Variants in RNFT2 observed in about 807,000 individuals in gnomAD.
The protein encoded by RNFT2 is ring finger protein, transmembrane 2, also known as E3 ubiquitin-protein ligase RNFT2.
In RNFT2, 36 loss-of-function variants were observed where a neutral mutation model predicts 53.0. That is an observed-to-expected ratio of 0.68 (90% CI 0.52 to 0.90). The LOEUF is 0.90. Among genes scored for constraint, RNFT2 ranks in the 40% least tolerant of loss-of-function variants. RNFT2 has a pLI of 0.00. For synonymous variants in RNFT2, 260 were observed against 253.2 expected (o/e 1.03, Z -0.26); for missense variants, 514 against 585.6 (o/e 0.88, Z 1.26).
intron 7 of RNFT2, among the ~76,000 whole-genome samples, chr12:116,819,363 G>A (rs981250143): frequency 4.6e-5 from 7 of 152,158 alleles, no homozygotes; most frequent in Non-Finnish European, 8.8e-5. Flanking sequence ...GACGCCCGGA[G>A]GCCAGACCCG....
At position 116,849,217 on chromosome 12, in the gene RNFT2, G is replaced by C. The variant is rs1017379716; in HGVS notation, c.1201-97G>C. ...CGAGTGCAGGCGCCCCGAAGGCAGG[G>C]GTTGTCTGTCTAGTCCGCTGCCCCT... On this transcript the variant is annotated intron_variant, in intron 10 of 10. Coordinates refer to ENST00000257575, the MANE Select transcript of RNFT2 (RefSeq NM_001382266.1). 3 of 985,198 alleles carry C rather than the reference G, an allele frequency of 3.0e-6. No homozygotes were observed. The African/African-American group carries it at 4.9e-5, about 16-fold the overall frequency. 61.0% of individuals were successfully genotyped at this position (985,198 alleles called of 1,614,324 possible). A position where few individuals can be genotyped will look rare whatever the true frequency, so the allele number is the denominator to read the frequency against.
At chr12:116,805,050 G>A (rs905950217) in intron 7 of RNFT2, among the ~76,000 whole-genome samples, 6 of 151,276 alleles carry the variant, frequency 4.0e-5, no homozygotes, top group East Asian at 1.9e-4. Context: ...TAAGCTTTTC[G>A]CATTACTTTG....
At chr12:116,766,771 C>T (rs751646672) in intron 5 of RNFT2, 43 bp from the exon 6 acceptor site, 11 of 1,442,386 alleles carry the variant, frequency 7.6e-6, no homozygotes, top group Non-Finnish European at 1.1e-5. Context: ...AAGGTTCTGC[C>T]ACATGCACCT....
In RNFT2 at chr12:116,852,485, G is replaced by A; in HGVS notation, c.*3037G>A. 2 of 1,483,192 alleles carry A rather than the reference G, an allele frequency of 1.3e-6. No individual in the cohort carries two copies. The highest frequency in any genetic ancestry group is 1.8e-6 in the Non-Finnish European group (2 of 1,116,386). The allele number at this position is 1,483,192 out of a possible 1,614,324, so 91.9% of individuals were successfully genotyped here. A position where few individuals can be genotyped will look rare whatever the true frequency, so the allele number is the denominator to read the frequency against. ...CCGTTACTATGGCGATGGCCATGATGTTACAATCCCACTTGCCTGAATAAT... is the reference window on the plus strand; with the variant it reads ...CCGTTACTATGGCGATGGCCATGATATTACAATCCCACTTGCCTGAATAAT... On this transcript the variant is annotated 3_prime_UTR_variant, in exon 11 of 11. Coordinates refer to ENST00000257575, the MANE Select transcript of RNFT2 (RefSeq NM_001382266.1).
chr12:116,846,413 G>A (rs1284030609), intron 10 of RNFT2, among the ~76,000 whole-genome samples: 2 of 142,536 alleles, frequency 1.4e-5, no homozygotes, highest in East Asian at 2.0e-4. Context: ...TAGCTGGGAC[G>A]GCACATGCCA....
At chr12:116,799,655 G>A (rs1874669014) in intron 7 of RNFT2, among the ~76,000 whole-genome samples, 1 of 152,184 alleles carries the variant, frequency 6.6e-6, no homozygotes, top group African/African-American at 2.4e-5. Context: ...GGATTCCTCA[G>A]CTGGGCACGA....
intron 7 of RNFT2, among the ~76,000 whole-genome samples, chr12:116,785,297 G>A (rs1249841284): frequency 2.8e-5 from 4 of 144,744 alleles, no homozygotes; most frequent in Non-Finnish European, 6.0e-5. Flanking sequence ...TTGTTTGTTT[G>A]TTTTGTTTTG....
chr12:116,849,750 A>C lies in RNFT2; in HGVS notation c.*302A>C. The C allele has an allele frequency of 8.5e-7, 1 of 1,173,158 alleles. No homozygotes were observed. The highest frequency in any genetic ancestry group is 1.1e-6 in the Non-Finnish European group (1 of 950,940). 72.7% of individuals were successfully genotyped at this position (1,173,158 alleles called of 1,614,324 possible). On this transcript the variant is annotated 3_prime_UTR_variant, in exon 11 of 11. Transcript: ENST00000257575. ...AAGTCAAGGACCTGGCAATACATGA[A>C]GTTCCCACTTGTTGGTTATTTTCTC...
At chr12:116,825,218 C>T (rs1041730710) in intron 7 of RNFT2, among the ~76,000 whole-genome samples, 2 of 152,194 alleles carry the variant, frequency 1.3e-5, no homozygotes, top group African/African-American at 2.4e-5. Context: ...ATGTCCTCTT[C>T]ACTGGGACTC....
intron 7 of RNFT2, among the ~76,000 whole-genome samples, chr12:116,806,618 G>A (rs750068386): frequency 2.0e-5 from 3 of 151,540 alleles, no homozygotes; most frequent in African/African-American, 4.8e-5. Flanking sequence ...TGAGCACGGC[G>A]GTGCACACCT....
intron 7 of RNFT2, among the ~76,000 whole-genome samples, chr12:116,788,332 A>C (rs1196389738): frequency 6.6e-6 from 1 of 152,218 alleles, no homozygotes; most frequent in Non-Finnish European, 1.5e-5. Flanking sequence ...AGGCACTGAG[A>C]CATTGAGAAA....
chr12:116,838,978 G>A lies in RNFT2; in HGVS notation c.1200+2696G>A, dbSNP rs1319969451. Among the ~76,000 whole-genome samples, 3 of 152,194 alleles carry A rather than the reference G, an allele frequency of 2.0e-5. No individual in the cohort carries two copies. The East Asian group carries it at 5.8e-4, about 29-fold the overall frequency. Reference sequence around the variant, plus strand: ...GGAAAGGCAGAGATGATTCACATAGGTAAATGGGTCATGCTGATTCCTAAA... The same window carrying A: ...GGAAAGGCAGAGATGATTCACATAGATAAATGGGTCATGCTGATTCCTAAA... On this transcript the variant is annotated intron_variant, in intron 10 of 10. Transcript: ENST00000257575.
At chr12:116,746,988 G>A (rs1871934318) in intron 3 of RNFT2, among the ~76,000 whole-genome samples, 1 of 152,142 alleles carries the variant, frequency 6.6e-6, no homozygotes. Context: ...TGTGGGTTTT[G>A]GTCCACGACT....
At chr12:116,834,538 A>G (rs1451434036) in intron 8 of RNFT2, among the ~76,000 whole-genome samples, 2 of 152,164 alleles carry the variant, frequency 1.3e-5, no homozygotes, top group African/African-American at 2.4e-5. Context: ...AGAAATACCC[A>G]TTAAGCAGTC....
intron 3 of RNFT2, among the ~76,000 whole-genome samples, chr12:116,745,383 C>T (rs1048894561): frequency 6.6e-6 from 1 of 152,148 alleles, no homozygotes; most frequent in Admixed American, 6.5e-5. Flanking sequence ...CCATATTGGC[C>T]AGGCTGGTCT....
chr12:116,747,006 G>A (rs1233370341), intron 3 of RNFT2, among the ~76,000 whole-genome samples: 1 of 152,094 alleles, frequency 6.6e-6, no homozygotes, highest in African/African-American at 2.4e-5. Flanking sequence ...ACTCAAGGTT[G>A]GTTGAATCCT....
chr12:116,786,410 C>T (rs1182278692), intron 7 of RNFT2, among the ~76,000 whole-genome samples: 2 of 152,124 alleles, frequency 1.3e-5, no homozygotes, highest in African/African-American at 2.4e-5. Context: ...CGCGCCCGGC[C>T]GAGATCGGGT....
intron 7 of RNFT2, among the ~76,000 whole-genome samples, chr12:116,796,735 A>G (rs761393244): frequency 7.9e-5 from 12 of 152,102 alleles, no homozygotes; most frequent in Non-Finnish European, 1.0e-4. Context: ...CCTTCTCCCA[A>G]TCAGACATCT....
At chr12:116,792,603 T>A (rs1874302589) in intron 7 of RNFT2, among the ~76,000 whole-genome samples, 1 of 152,142 alleles carries the variant, frequency 6.6e-6, no homozygotes, top group Non-Finnish European at 1.5e-5. Flanking sequence ...GAGATTAATG[T>A]GCCAGGTCAG....
Sources: allele counts gnomAD v4.1 joint callset (sites outside exome capture counted in the v4.1 genomes callset), GRCh38; gene constraint gnomAD v4.1.1; transcripts MANE v1.5; gene names NCBI Gene and HGNC (gene_info 2026-07-23, HGNC 2026-07-21).